HSD17B11: variants seen among roughly 807,000 people sequenced by gnomAD.
HSD17B11 encodes estradiol 17-beta-dehydrogenase 11.
In HSD17B11, 22 loss-of-function variants were observed where a neutral mutation model predicts 27.8. That is an observed-to-expected ratio of 0.79 (90% CI 0.56 to 1.13). The LOEUF is 1.13. Among genes scored for constraint, HSD17B11 ranks in the 50% most tolerant of loss-of-function variants. The pLI, the probability that HSD17B11 is intolerant of heterozygous loss-of-function variation, is 0.00. For missense variants in HSD17B11, 314 were observed against 351.1 expected (o/e 0.89, Z 0.84); for synonymous variants, 117 against 132.8 (o/e 0.88, Z 0.82).
intron 1 of HSD17B11, among the ~76,000 whole-genome samples, chr4:87,390,452 T>C (rs1330197495): frequency 6.6e-6 from 1 of 152,116 alleles, no homozygotes; most frequent in African/African-American, 2.4e-5. Context: ...CAACGGCGAG[T>C]ATAATCTTTC....
intron 6 of HSD17B11, among the ~76,000 whole-genome samples, chr4:87,338,896 T>C (rs1735109150): frequency 6.6e-6 from 1 of 152,180 alleles, no homozygotes; most frequent in Admixed American, 6.5e-5. Context: ...GTCCAATTGT[T>C]TTCTCCATGT....
intron 5 of HSD17B11, 32 bp from the exon 6 acceptor site, chr4:87,340,638 T>C (rs779681039): frequency 1.5e-5 from 21 of 1,421,156 alleles, no homozygotes; most frequent in Non-Finnish European, 2.1e-5. Flanking sequence ...AGAAACAAAA[T>C]ACTTCACCGA....
chr4:87,345,366 G>A (rs181777233), intron 5 of HSD17B11, among the ~76,000 whole-genome samples: 3,484 of 151,846 alleles, frequency 0.023, 71 homozygotes, highest in South Asian at 0.05. Context: ...AAAAAAAGAA[G>A]AAGATCTCAA....
intron 6 of HSD17B11, among the ~76,000 whole-genome samples, chr4:87,338,265 G>T (rs541056713): frequency 6.6e-6 from 1 of 152,022 alleles, no homozygotes; most frequent in African/African-American, 2.4e-5. Context: ...GACACTAGCA[G>T]GTCTCATCTC....
intron 4 of HSD17B11, among the ~76,000 whole-genome samples, chr4:87,371,604 A>T (rs1735717005): frequency 6.6e-6 from 1 of 152,194 alleles, no homozygotes; most frequent in South Asian, 2.1e-4. Flanking sequence ...AAAAAGGTTT[A>T]AATGTTTAAA....
At chr4:87,376,394 A>T (rs1325748427) in intron 2 of HSD17B11, among the ~76,000 whole-genome samples, 4 of 151,258 alleles carry the variant, frequency 2.6e-5, no homozygotes, top group Middle Eastern at 6.8e-3. Flanking sequence ...AATCCCAGCT[A>T]CTCGAGAGGC....
At chr4:87,374,571 T>C (rs1362338485) in intron 3 of HSD17B11, 128 bp downstream of exon 3, 2 of 787,760 alleles carry the variant, frequency 2.5e-6, no homozygotes, top group Non-Finnish European at 4.1e-6. Context: ...TCTCTTTGTA[T>C]AATGTTATCC....
intron 4 of HSD17B11, among the ~76,000 whole-genome samples, chr4:87,362,102 C>A (rs760921671): frequency 2.0e-5 from 3 of 152,176 alleles, no homozygotes; most frequent in Non-Finnish European, 4.4e-5. Flanking sequence ...GGTTAGAGGC[C>A]CAACTTAGGG....
intron 5 of HSD17B11, among the ~76,000 whole-genome samples, chr4:87,355,897 C>G (rs1735374210): frequency 2.0e-5 from 3 of 147,916 alleles, no homozygotes. Context: ...GAGTGAAACC[C>G]TGTCTCAAAA....
At chr4:87,374,950 G>C in intron 2 of HSD17B11, 120 bp from the exon 3 acceptor site, 1 of 665,516 alleles carries the variant, frequency 1.5e-6, no homozygotes, top group Non-Finnish European at 2.3e-6. Flanking sequence ...CTGCAGTACA[G>C]TGGCGAAATC....
intron 1 of HSD17B11, among the ~76,000 whole-genome samples, chr4:87,384,745 T>C (rs2110133782): frequency 6.8e-6 from 1 of 146,402 alleles, no homozygotes; most frequent in South Asian, 2.1e-4. Context: ...CGAACCCTGT[T>C]TTCTGTTGTT....
chr4:87,336,938 AT>A lies in HSD17B11; in HGVS notation c.*337del. On this transcript the variant is annotated 3_prime_UTR_variant, in exon 7 of 7. Transcript: ENST00000358290. ...ATACAAAATTTAAGTGCAATCAAAA[AT>A]AAAAATATATGTTAAATAAACGGTT... 5.2e-6 allele frequency: 1 copy of A among 193,716 alleles called. No homozygotes were observed. Among genetic ancestry groups the A allele is most frequent in the Non-Finnish European group, 1.0e-5 (1 of 96,182 alleles). 12.0% of individuals were successfully genotyped at this position (193,716 alleles called of 1,614,324 possible).
chr4:87,342,137 C>A (rs1400802938), intron 5 of HSD17B11, among the ~76,000 whole-genome samples: 1 of 152,004 alleles, frequency 6.6e-6, no homozygotes, highest in East Asian at 1.9e-4. Flanking sequence ...AATCCCAGGA[C>A]TTTGGGAGGC....
intron 4 of HSD17B11, among the ~76,000 whole-genome samples, chr4:87,359,235 G>C (rs1005754799): frequency 2.0e-5 from 3 of 152,090 alleles, no homozygotes; most frequent in African/African-American, 7.2e-5. Context: ...AATACAGAAG[G>C]CTTAAAAGAA....
At chr4:87,380,699 T>C (rs1353784017) in intron 2 of HSD17B11, among the ~76,000 whole-genome samples, 1 of 143,368 alleles carries the variant, frequency 7.0e-6, no homozygotes, top group Non-Finnish European at 1.5e-5. Flanking sequence ...CTACTAAAAA[T>C]ACAAAAAAAT....
Position 87,337,288 on chromosome 4 carries a change from C to A in HSD17B11, c.891G>T (p.Met297Ile). 1 of 1,600,638 alleles carries A rather than the reference C, an allele frequency of 6.2e-7. No homozygotes were observed. The highest frequency in any genetic ancestry group is 1.1e-5 in the South Asian group (1 of 90,400). The change falls in exon 7 of 7, where the codon ATG (methionine) becomes ATT (isoleucine). Residue 297 changes from methionine to isoleucine, a missense_variant. Physicochemically the swap from Met to Ile is conservative, Grantham distance 10 (BLOSUM62 1). Coordinates refer to ENST00000358290, the MANE Select transcript of HSD17B11 (RefSeq NM_016245.5). ...VKFDAVIGYK[M>I]KAQ is the part of the protein sequence containing the mutation. Reference sequence around the variant, plus strand: ...GAAAACTAGGTGCTTATTGCGCTTTCATTTTATATCCAATAACTGCATCAA... The same window carrying A: ...GAAAACTAGGTGCTTATTGCGCTTTAATTTTATATCCAATAACTGCATCAA...
intron 5 of HSD17B11, 81 bp from the exon 6 acceptor site, chr4:87,340,687 T>A: frequency 2.3e-6 from 2 of 869,180 alleles, no homozygotes; most frequent in Non-Finnish European, 3.8e-6. Flanking sequence ...ACAGCTTTAG[T>A]ATGGTACAGA....
intron 1 of HSD17B11, among the ~76,000 whole-genome samples, chr4:87,383,366 G>A (rs7682892): frequency 0.34 from 51,404 of 152,018 alleles, 9,582 homozygotes; most frequent in African/African-American, 0.47. Flanking sequence ...GTCAACACTG[G>A]AGGAAGAAAA....
intron 6 of HSD17B11, 67 bp from the exon 7 acceptor site, chr4:87,337,433 T>C (rs143569767): frequency 1.1e-6 from 1 of 889,500 alleles, no homozygotes; most frequent in Admixed American, 2.1e-5. Flanking sequence ...ATACCCTCTT[T>C]AGAAATACTT....
Sources: allele counts gnomAD v4.1 joint callset (sites outside exome capture counted in the v4.1 genomes callset), GRCh38; gene constraint gnomAD v4.1.1; transcripts MANE v1.5; gene names NCBI Gene and HGNC (gene_info 2026-07-23, HGNC 2026-07-21).